The following FHIT variants were observed in gnomAD, a reference collection of about 807,000 sequenced individuals.
FHIT encodes bis(5'-adenosyl)-triphosphatase.
Under a neutral mutation model 17.9 loss-of-function variants are expected in FHIT, and 19 were observed. The observed-to-expected ratio is 1.06, with a 90% CI of 0.74 to 1.56. FHIT has a LOEUF of 1.56. Ranked by LOEUF, FHIT falls within the 40% of genes most tolerant of loss-of-function variation. The pLI, the probability that FHIT is intolerant of heterozygous loss-of-function variation, is 0.00. For missense variants in FHIT, 248 were observed against 189.2 expected, an observed-to-expected ratio of 1.31 and a Z score of -1.82; for synonymous variants, 81 against 69.7, an observed-to-expected ratio of 1.16 and a Z score of -0.81.
intron 3 of FHIT, among the ~76,000 whole-genome samples, chr3:60,909,131 G>C (rs1193352597): frequency 6.6e-6 from 1 of 152,108 alleles, no homozygotes; most frequent in East Asian, 1.9e-4. Context: ...AGCACTTTGG[G>C]AGGCTGAGAT....
chr3:60,663,029 A>C (rs1350371689), intron 4 of FHIT, among the ~76,000 whole-genome samples: 2 of 151,190 alleles, frequency 1.3e-5, no homozygotes, highest in African/African-American at 4.9e-5. Context: ...TTTGTCAAAA[A>C]TCATTTGAGC....
chr3:60,581,629 G>A (rs1184763476), intron 4 of FHIT, among the ~76,000 whole-genome samples: 6 of 151,874 alleles, frequency 4.0e-5, no homozygotes, highest in African/African-American at 1.2e-4. Flanking sequence ...GCTAATAAAA[G>A]CAACATGTAT....
At chr3:60,377,225 G>C (rs1184054641) in intron 5 of FHIT, among the ~76,000 whole-genome samples, 3 of 149,594 alleles carry the variant, frequency 2.0e-5, no homozygotes, top group African/African-American at 4.9e-5. Flanking sequence ...TTTTTTAATG[G>C]AGTTTTGCTC....
chr3:59,751,535 G>C (rs1026681736), intron 9 of FHIT: 2 of 215,926 alleles, frequency 9.3e-6, no homozygotes, highest in East Asian at 1.4e-4. Context: ...GTTAGACACT[G>C]CATAAAAATT....
intron 3 of FHIT, among the ~76,000 whole-genome samples, chr3:60,863,446 G>A (rs1704011847): frequency 6.6e-6 from 1 of 152,152 alleles, no homozygotes; most frequent in South Asian, 2.1e-4. Flanking sequence ...AGTTTGTTAT[G>A]ACAGTAATAG....
At chr3:59,903,666 GA>G (rs1375120171) in intron 8 of FHIT, among the ~76,000 whole-genome samples, 1 of 152,150 alleles carries the variant, frequency 6.6e-6, no homozygotes, top group Non-Finnish European at 1.5e-5. Context: ...GGAGTAGTTA[GA>G]AAAGCCCTCG....
At chr3:60,779,426 C>A (rs1553725230) in intron 4 of FHIT, among the ~76,000 whole-genome samples, 1 of 152,114 alleles carries the variant, frequency 6.6e-6, no homozygotes, top group Non-Finnish European at 1.5e-5. Context: ...GAACAATTAT[C>A]CTGCAAACCC....
intron 3 of FHIT, among the ~76,000 whole-genome samples, chr3:60,942,003 T>G (rs942633401): frequency 2.6e-5 from 4 of 152,186 alleles, no homozygotes; most frequent in Non-Finnish European, 5.9e-5. Flanking sequence ...TGTTGTTGTT[T>G]TTGAGATGGA....
At chr3:60,351,031 G>A (rs561284527) in intron 5 of FHIT, among the ~76,000 whole-genome samples, 91 of 152,266 alleles carry the variant, frequency 6.0e-4, no homozygotes, top group African/African-American at 2.2e-3. Flanking sequence ...AGCAGCTGAT[G>A]AGACCACAGC....
chr3:61,010,685 G>A (rs2031739685), intron 3 of FHIT, among the ~76,000 whole-genome samples: 2 of 152,262 alleles, frequency 1.3e-5, no homozygotes, highest in East Asian at 1.9e-4. Flanking sequence ...CATTGACACT[G>A]CCAATATTTT....
intron 8 of FHIT, among the ~76,000 whole-genome samples, chr3:59,855,933 A>C (rs1702137194): frequency 8.3e-6 from 1 of 119,944 alleles, no homozygotes; most frequent in South Asian, 2.7e-4. Context: ...GGCGCCCGCC[A>C]CCACGCCCGG....
intron 4 of FHIT, among the ~76,000 whole-genome samples, chr3:60,560,935 G>T (rs1366892489): frequency 6.6e-6 from 1 of 151,516 alleles, no homozygotes; most frequent in Non-Finnish European, 1.5e-5. Context: ...AAAGAGAAAA[G>T]TCCCTTCCTG....
chr3:60,296,931 A>G (rs7645258), intron 5 of FHIT, among the ~76,000 whole-genome samples: 1,803 of 151,804 alleles, frequency 0.012, 44 homozygotes, highest in African/African-American at 0.041. Flanking sequence ...CAAAAAAAAA[A>G]AAAAAAAGAC....
intron 5 of FHIT, among the ~76,000 whole-genome samples, chr3:60,109,409 C>T (rs1266217420): frequency 1.3e-5 from 2 of 151,692 alleles, no homozygotes; most frequent in East Asian, 2.0e-4. Flanking sequence ...CCCACTTTTA[C>T]TCTATAAGTG....
intron 2 of FHIT, among the ~76,000 whole-genome samples, chr3:61,053,996 C>G (rs1186531433): frequency 1.3e-5 from 2 of 152,190 alleles, no homozygotes; most frequent in African/African-American, 4.8e-5. Flanking sequence ...CAGCTGATGA[C>G]AGGGTCATCT....
At chr3:60,188,084 T>C (rs1702235231) in intron 5 of FHIT, among the ~76,000 whole-genome samples, 1 of 152,148 alleles carries the variant, frequency 6.6e-6, no homozygotes, top group African/African-American at 2.4e-5. Context: ...CCATAACTAA[T>C]GATATGACTT....
intron 5 of FHIT, among the ~76,000 whole-genome samples, chr3:60,470,016 GTCTCTGTC>G (rs770226579): frequency 2.3e-5 from 3 of 131,406 alleles, no homozygotes; most frequent in Non-Finnish European, 4.7e-5. Flanking sequence ...GATGAAATCT[GTCTCTGTC>G]TCTCTGTCTC....
intron 8 of FHIT, among the ~76,000 whole-genome samples, chr3:59,814,113 T>C (rs1409789068): frequency 6.6e-6 from 1 of 151,988 alleles, no homozygotes; most frequent in Non-Finnish European, 1.5e-5. Flanking sequence ...AAGCCTGCTA[T>C]CCTTGGCAAA....
chr3:60,000,991 A>G (rs1054610567), intron 7 of FHIT, among the ~76,000 whole-genome samples: 10 of 152,100 alleles, frequency 6.6e-5, no homozygotes, highest in African/African-American at 2.2e-4. Context: ...TTCGCTGGCT[A>G]GGCGCCTGTC....
Sources: allele counts gnomAD v4.1 joint callset (sites outside exome capture counted in the v4.1 genomes callset), GRCh38; gene constraint gnomAD v4.1.1; transcripts MANE v1.5; gene names NCBI Gene and HGNC (gene_info 2026-07-23, HGNC 2026-07-21).